The following TMEM132C variants were observed in gnomAD, a reference collection of about 807,000 sequenced individuals.
TMEM132C encodes the protein transmembrane protein 132C.
Under a neutral mutation model 61.4 loss-of-function variants are expected in TMEM132C, and 29 were observed. The ratio of observed to expected loss-of-function variants is 0.47; its 90% CI spans 0.35 to 0.64. The LOEUF (loss-of-function observed/expected upper bound fraction) is 0.64. TMEM132C is among the 30% of genes least tolerant of loss of function. TMEM132C has a pLI of 0.00. For synonymous variants in TMEM132C, 656 were observed against 633.1 expected (o/e 1.04, Z -0.54); for missense variants, 1,408 against 1,476.9 (o/e 0.95, Z 0.76).
chr12:128,337,799 T>C (rs1350903719), intron 1 of TMEM132C, among the ~76,000 whole-genome samples: 1 of 152,234 alleles, frequency 6.6e-6, no homozygotes, highest in African/African-American at 2.4e-5. Context: ...TCAGACCTTT[T>C]TATCCTCATG....
chr12:128,666,664 T>C (rs1954478456), intron 4 of TMEM132C, among the ~76,000 whole-genome samples: 1 of 152,208 alleles, frequency 6.6e-6, no homozygotes. Flanking sequence ...GCCCACCACT[T>C]CATAGACACC....
chr12:128,503,287 G>C (rs890893901), intron 2 of TMEM132C, among the ~76,000 whole-genome samples: 2 of 152,212 alleles, frequency 1.3e-5, no homozygotes, highest in Admixed American at 6.5e-5. Context: ...AGTTTTCAGA[G>C]TCAAGAAAAT....
intron 1 of TMEM132C, among the ~76,000 whole-genome samples, chr12:128,360,422 A>G (rs992675447): frequency 6.6e-6 from 1 of 152,114 alleles, no homozygotes; most frequent in African/African-American, 2.4e-5. Context: ...TGGACATTGA[A>G]CCCCTGAAAT....
intron 1 of TMEM132C, among the ~76,000 whole-genome samples, chr12:128,387,409 G>C (rs539621551): frequency 1.3e-5 from 2 of 152,324 alleles, no homozygotes; most frequent in South Asian, 4.1e-4. Flanking sequence ...GCCTGGGAGG[G>C]AACCGCACAC....
intron 5 of TMEM132C, among the ~76,000 whole-genome samples, chr12:128,675,562 C>G (rs1954574911): frequency 6.6e-6 from 1 of 152,186 alleles, no homozygotes; most frequent in Non-Finnish European, 1.5e-5. Context: ...ATACCCTTTA[C>G]TGAGGTTCTA....
intron 1 of TMEM132C, among the ~76,000 whole-genome samples, chr12:128,360,558 ATCCTTGC>A (rs754099367): frequency 6.6e-6 from 1 of 152,190 alleles, no homozygotes; most frequent in Non-Finnish European, 1.5e-5. Context: ...CTTGTCTCCC[ATCCTTGC>A]TCCTTAGAGT....
At chr12:128,694,411 T>A (rs1954741879) in intron 6 of TMEM132C, among the ~76,000 whole-genome samples, 1 of 152,246 alleles carries the variant, frequency 6.6e-6, no homozygotes, top group African/African-American at 2.4e-5. Flanking sequence ...AAATGTTCTG[T>A]GCAGATCAAA....
chr12:128,589,639 C>A (rs1310066758), intron 3 of TMEM132C, among the ~76,000 whole-genome samples: 2 of 151,940 alleles, frequency 1.3e-5, no homozygotes, highest in African/African-American at 4.8e-5. Context: ...TGCAGAAATA[C>A]CAGAATGATC....
In TMEM132C at chr12:128,669,406, C is replaced by A; in HGVS notation, c.1306-11C>A. On this transcript the variant is annotated splice_polypyrimidine_tract_variant and intron_variant, in intron 4 of 8. Coordinates refer to ENST00000435159, the MANE Select transcript of TMEM132C (RefSeq NM_001136103.3). ...CTCCCTTGACCCAGTGTGTTTGATTCTTTTTGGCAGGACACTGAAATTCTG... is the reference window on the plus strand; with the variant it reads ...CTCCCTTGACCCAGTGTGTTTGATTATTTTTGGCAGGACACTGAAATTCTG... 1 of 1,551,304 alleles carries A rather than the reference C, an allele frequency of 6.4e-7. No individual in the cohort carries two copies. Among genetic ancestry groups the A allele is most frequent in the Non-Finnish European group, 8.7e-7 (1 of 1,146,822 alleles).
At chr12:128,582,068 C>T (rs938051554) in intron 3 of TMEM132C, among the ~76,000 whole-genome samples, 2 of 152,168 alleles carry the variant, frequency 1.3e-5, no homozygotes, top group South Asian at 2.1e-4. Context: ...ACTGCATGGA[C>T]TTCTCGAGGA....
chr12:128,341,145 T>C (rs1163400856), intron 1 of TMEM132C, among the ~76,000 whole-genome samples: 2 of 152,068 alleles, frequency 1.3e-5, no homozygotes, highest in Non-Finnish European at 2.9e-5. Context: ...TTCACCATCT[T>C]GGCCGGGCTG....
chr12:128,467,614 C>A (rs992247455), intron 2 of TMEM132C, among the ~76,000 whole-genome samples: 2 of 152,114 alleles, frequency 1.3e-5, no homozygotes, highest in Admixed American at 1.3e-4. Context: ...TAGCAGGGGT[C>A]AGGTCCAGAT....
At chr12:128,312,889 C>T (rs1217521181) in intron 1 of TMEM132C, among the ~76,000 whole-genome samples, 1 of 152,218 alleles carries the variant, frequency 6.6e-6, no homozygotes, top group African/African-American at 2.4e-5. Context: ...CTCAGCTTGC[C>T]TCCCGCACAT....
intron 3 of TMEM132C, among the ~76,000 whole-genome samples, chr12:128,588,329 G>A (rs11059781): frequency 0.53 from 80,448 of 152,044 alleles, 23,750 homozygotes; most frequent in East Asian, 0.81. Flanking sequence ...CTACTCAGGA[G>A]GCTGAGGCAG....
At chr12:128,583,044 C>G (rs1435582772) in intron 3 of TMEM132C, among the ~76,000 whole-genome samples, 3 of 152,044 alleles carry the variant, frequency 2.0e-5, no homozygotes, top group African/African-American at 7.2e-5. Context: ...GAAGAGAACT[C>G]AGAAAAAGGC....
At chr12:128,407,148 C>A (rs1297945530) in intron 1 of TMEM132C, among the ~76,000 whole-genome samples, 3 of 152,146 alleles carry the variant, frequency 2.0e-5, no homozygotes, top group Admixed American at 6.5e-5. Flanking sequence ...GTAATTGAAT[C>A]ATCAGGGCAG....
chr12:128,294,514 T>C (rs1871341948), intron 1 of TMEM132C, among the ~76,000 whole-genome samples: 1 of 152,216 alleles, frequency 6.6e-6, no homozygotes, highest in South Asian at 2.1e-4. Context: ...TGATATTTTA[T>C]GATTGGCACC....
intron 4 of TMEM132C, among the ~76,000 whole-genome samples, chr12:128,642,464 G>A (rs1954164972): frequency 6.6e-6 from 1 of 152,166 alleles, no homozygotes; most frequent in Non-Finnish European, 1.5e-5. Context: ...ATTGGAGGTG[G>A]GGCCTGATGG....
At chr12:128,665,557 GCA>G (rs757779877) in intron 4 of TMEM132C, among the ~76,000 whole-genome samples, 4 of 99,290 alleles carry the variant, frequency 4.0e-5, no homozygotes, top group Admixed American at 1.9e-4. Context: ...AAATACAGGC[GCA>G]CACACACACA....
Sources: gnomAD v4.1 joint callset for allele counts (sites outside exome capture counted in the v4.1 genomes callset) on GRCh38, gnomAD v4.1.1 for gene constraint, MANE v1.5 for transcripts, NCBI Gene and HGNC (gene_info 2026-07-23, HGNC 2026-07-21) for gene names.